The following PPP1R13B variants were observed in gnomAD, a reference collection of about 807,000 sequenced individuals.
PPP1R13B encodes the protein apoptosis-stimulating of p53 protein 1.
In PPP1R13B, 44 loss-of-function variants were observed where a neutral mutation model predicts 119.8. That is an observed-to-expected ratio of 0.37 (90% CI 0.29 to 0.47). The LOEUF (loss-of-function observed/expected upper bound fraction) is 0.47, where lower values mean the gene tolerates loss of function less well. Among genes scored for constraint, PPP1R13B ranks in the 20% least tolerant of loss-of-function variants. The pLI, the probability that PPP1R13B is intolerant of heterozygous loss-of-function variation, is 0.99. For missense variants in PPP1R13B, 1,227 were observed against 1,413.5 expected, an observed-to-expected ratio of 0.87 and a Z score of 2.12; for synonymous variants, 542 against 561.5, an observed-to-expected ratio of 0.97 and a Z score of 0.49.
At chr14:103,787,721 C>G (rs1333980287) in intron 2 of PPP1R13B, among the ~76,000 whole-genome samples, 2 of 148,316 alleles carry the variant, frequency 1.3e-5, no homozygotes, top group Non-Finnish European at 3.0e-5. Flanking sequence ...GGCGCAATCT[C>G]GGCTCACTGC....
intron 9 of PPP1R13B, among the ~76,000 whole-genome samples, chr14:103,745,583 C>T (rs1272091427): frequency 6.6e-6 from 1 of 152,224 alleles, no homozygotes; most frequent in Non-Finnish European, 1.5e-5. Context: ...CCATGGACTA[C>T]ACTAGAGGTC....
rs751327487 is a variant in PPP1R13B at position 103,734,964 on chromosome 14, T to C, written c.*190A>G. On this transcript the variant is annotated 3_prime_UTR_variant, in exon 17 of 17. Transcript: ENST00000202556. ...CAGTCCTTGGAGGCGAAAGTACCTC[T>C]CCCAGTTAATGGGCAAACTGGAGAA... 3 of 726,116 alleles carry C rather than the reference T, an allele frequency of 4.1e-6. No homozygotes were observed. Among genetic ancestry groups the C allele is most frequent in the Non-Finnish European group, 7.4e-6 (3 of 405,958 alleles). The allele number at this position is 726,116 out of a possible 1,614,324, so 45.0% of individuals were successfully genotyped here.
At chr14:103,770,706 A>G (rs550305196) in intron 4 of PPP1R13B, among the ~76,000 whole-genome samples, 1 of 152,254 alleles carries the variant, frequency 6.6e-6, no homozygotes, top group African/African-American at 2.4e-5. Context: ...TCTGCTTCCA[A>G]CCTCATGGCT....
At chr14:103,750,615 G>C (rs2084516831) in intron 7 of PPP1R13B, among the ~76,000 whole-genome samples, 1 of 152,158 alleles carries the variant, frequency 6.6e-6, no homozygotes, top group South Asian at 2.1e-4. Context: ...TGGATCACCT[G>C]AGGTCAAGAG....
intron 9 of PPP1R13B, among the ~76,000 whole-genome samples, chr14:103,743,148 T>TC (rs1331550635): frequency 6.6e-6 from 1 of 152,210 alleles, no homozygotes; most frequent in Non-Finnish European, 1.5e-5. Context: ...ACAGGTCAAA[T>TC]CCATTGCATC....
intron 3 of PPP1R13B, among the ~76,000 whole-genome samples, chr14:103,783,961 ATTT>A (rs1283556951): frequency 5.3e-5 from 8 of 152,120 alleles, no homozygotes; most frequent in Middle Eastern, 3.2e-3. Context: ...TTCTTCTAGT[ATTT>A]TCATGGTTTT....
In PPP1R13B at chr14:103,835,088, A is replaced by G. The variant is rs17095273; in HGVS notation, c.9+12211T>C. Among the ~76,000 whole-genome samples the G allele has an allele frequency of 8.4e-3, 1,271 of 152,176 alleles. 15 individuals carry two copies. The highest frequency in any genetic ancestry group is 0.029 in the African/African-American group (1,211 of 41,524). ...GCCTCATGGTTGCTGGAGAAAACTT[A>G]AAGTACTCAGTAAACATTTGCTCTT... On this transcript the variant is annotated intron_variant, in intron 1 of 16. Transcript: ENST00000202556.
At chr14:103,843,576 A>T (rs1416807202) in intron 1 of PPP1R13B, among the ~76,000 whole-genome samples, 4 of 152,224 alleles carry the variant, frequency 2.6e-5, no homozygotes, top group Non-Finnish European at 5.9e-5. Context: ...TCATCCATTG[A>T]TAAAAAGGTG....
At chr14:103,821,688 T>TTGCG (rs1297553340) in intron 1 of PPP1R13B, among the ~76,000 whole-genome samples, 10 of 150,720 alleles carry the variant, frequency 6.6e-5, no homozygotes, top group African/African-American at 2.4e-4. Flanking sequence ...GAGGCAGAGG[T>TTGCG]TGCGGTAAGC....
rs372013506 is a variant in PPP1R13B, at chr14:103,735,136, G to A, written c.*18C>T. ...CTCCTGGTAGCTGGCAAGACCATGC[G>A]GTGCTCCAAAAGGAAGTTCAGGCGA... On this transcript the variant is annotated 3_prime_UTR_variant, in exon 17 of 17. Coordinates refer to ENST00000202556, the MANE Select transcript of PPP1R13B (RefSeq NM_015316.3). 1.3e-4 allele frequency: 202 copies of A among 1,613,836 alleles called. No individual in the cohort carries two copies. The highest frequency in any genetic ancestry group is 2.2e-4 in the East Asian group (10 of 44,888).
rs1429710479 is a variant in PPP1R13B at position 103,804,861 on chromosome 14, G to A, written c.10-7343C>T. Among the ~76,000 whole-genome samples the A allele has an allele frequency of 3.9e-5, 6 of 152,174 alleles. No individual in the cohort carries two copies. In the East Asian group the frequency reaches 1.2e-3, roughly 29 times the overall value. Reference sequence around the variant, plus strand: ...GGTGATGAAGATGTAAAATGGTACAGCTATTTTGCATAACAGTCCAGCTGG... The same window carrying A: ...GGTGATGAAGATGTAAAATGGTACAACTATTTTGCATAACAGTCCAGCTGG... On this transcript the variant is annotated intron_variant, in intron 1 of 16. Coordinates refer to ENST00000202556, the MANE Select transcript of PPP1R13B (RefSeq NM_015316.3).
rs977861173 is a variant in PPP1R13B at position 103,742,023 on chromosome 14, T to C, written c.1589A>G (p.Tyr530Cys). Residue 530 changes from tyrosine (Y) to cysteine (C), a missense_variant, in exon 11 of 17, where the codon TAC becomes TGC. By Grantham distance (194) the Tyr-to-Cys change is radical. Transcript: ENST00000202556. This position sits in a 1 kb window ranked among gnomAD's most constrained non-coding sequence, Gnocchi z 4.9. ...QRISVPPSPT[Y>C]PPAGPPAFPA... Reference sequence around the variant, plus strand: ...AAATGCAGGTGGTCCCGCTGGCGGGTACGTGGGACTTGGCGGTACGGAAAT... The same window carrying C: ...AAATGCAGGTGGTCCCGCTGGCGGGCACGTGGGACTTGGCGGTACGGAAAT... 1 of 1,614,060 alleles carries C rather than the reference T, an allele frequency of 6.2e-7. No homozygotes were observed. The highest frequency in any genetic ancestry group is 1.3e-5 in the African/African-American group (1 of 74,932).
rs1464964449 is a variant in PPP1R13B at position 103,733,788 on chromosome 14, G to C, written c.*1366C>G. The C allele has an allele frequency of 6.6e-6, 1 of 152,344 alleles. No homozygotes were observed. Among genetic ancestry groups the C allele is most frequent in the Non-Finnish European group, 1.5e-5 (1 of 68,134 alleles). 9.4% of individuals were successfully genotyped at this position (152,344 alleles called of 1,614,324 possible). ...CGGGTTTATTGTGCACATTTACACAGCGTCAGCAGCGTCTGGGCTGGCAGC... is the reference window on the plus strand; with the variant it reads ...CGGGTTTATTGTGCACATTTACACACCGTCAGCAGCGTCTGGGCTGGCAGC... On this transcript the variant is annotated 3_prime_UTR_variant, in exon 17 of 17. Coordinates refer to ENST00000202556, the MANE Select transcript of PPP1R13B (RefSeq NM_015316.3).
intron 3 of PPP1R13B, among the ~76,000 whole-genome samples, chr14:103,781,979 C>T (rs887826915): frequency 1.3e-5 from 2 of 151,900 alleles, no homozygotes; most frequent in African/African-American, 4.8e-5. Context: ...ACAGTGTATA[C>T]GTGTTCAAAA....
At position 103,794,234 on chromosome 14, in the gene PPP1R13B, C is replaced by T. The variant is rs575898487; in HGVS notation, c.157+3137G>A. Among the ~76,000 whole-genome samples, 3 of 152,226 alleles carry T rather than the reference C, an allele frequency of 2.0e-5. No homozygotes were observed. In the East Asian group the frequency reaches 5.8e-4, roughly 29 times the overall value. ...ACAGATCCACAGTGAAACGGCTCTA[C>T]TGGAAAGCACTGATAATTACTATTG... On this transcript the variant is annotated intron_variant, in intron 2 of 16. Transcript: ENST00000202556.
upstream of PPP1R13B, chr14:103,848,267 C>T: frequency 1.0e-6 from 1 of 985,436 alleles, no homozygotes; most frequent in Non-Finnish European, 1.2e-6. Flanking sequence ...GCCACCTGTG[C>T]CCACCTGCGC....
intron 5 of PPP1R13B, among the ~76,000 whole-genome samples, chr14:103,755,099 A>G (rs999897131): frequency 7.5e-5 from 11 of 147,310 alleles, no homozygotes; most frequent in Non-Finnish European, 1.5e-4. Context: ...GTTTTATTAC[A>G]CTCATCTACA....
chr14:103,758,259 A>G (rs1251070178), intron 4 of PPP1R13B, among the ~76,000 whole-genome samples: 2 of 152,166 alleles, frequency 1.3e-5, no homozygotes, highest in Non-Finnish European at 1.5e-5. Flanking sequence ...AGAGAATTAC[A>G]TATGTGAAAT....
intron 1 of PPP1R13B, among the ~76,000 whole-genome samples, chr14:103,835,111 CT>C (rs1196414774): frequency 6.6e-6 from 1 of 151,940 alleles, no homozygotes; most frequent in Non-Finnish European, 1.5e-5. Flanking sequence ...AACATTTGCT[CT>C]TTTTTTTCTT....
Sources: gnomAD v4.1 joint callset for allele counts (sites outside exome capture counted in the v4.1 genomes callset) on GRCh38, gnomAD v4.1.1 for gene constraint, Gnocchi (gnomAD v3.1) non-coding constraint, MANE v1.5 for transcripts, NCBI Gene and HGNC (gene_info 2026-07-23, HGNC 2026-07-21) for gene names.